The following SPOPL variants were observed in gnomAD, a reference collection of about 807,000 sequenced individuals.
The protein encoded by SPOPL is speckle type BTB/POZ protein like.
A neutral mutation model predicts 53.8 loss-of-function variants in SPOPL; 23 were observed. The observed-to-expected ratio is 0.43, with a 90% CI of 0.31 to 0.61. The LOEUF (loss-of-function observed/expected upper bound fraction) is 0.61, where lower values mean the gene tolerates loss of function less well. Among genes scored for constraint, SPOPL ranks in the 20% least tolerant of loss-of-function variants. SPOPL has a pLI of 0.12. For synonymous variants in SPOPL, 164 were observed against 149.7 expected (o/e 1.10, Z -0.70); for missense variants, 442 against 466.9 (o/e 0.95, Z 0.49).
chr2:138,566,014 G>T (rs940743904), intron 10 of SPOPL, among the ~76,000 whole-genome samples: 2 of 152,176 alleles, frequency 1.3e-5, no homozygotes, highest in African/African-American at 4.8e-5. Context: ...GATTACAGAA[G>T]TGAGCCACCG....
In SPOPL at chr2:138,570,732, T is replaced by C. The variant is rs1213322459; in HGVS notation, c.*1652T>C. 6.6e-6 allele frequency: 1 copy of C among 152,180 alleles called. No homozygotes were observed. Among genetic ancestry groups the C allele is most frequent in the African/African-American group, 2.4e-5 (1 of 41,454 alleles). The allele number at this position is 152,180 out of a possible 1,614,324, so 9.4% of individuals were successfully genotyped here. A position where few individuals can be genotyped will look rare whatever the true frequency, so the allele number is the denominator to read the frequency against. On this transcript the variant is annotated 3_prime_UTR_variant, in exon 11 of 11. Transcript: ENST00000280098. Reference sequence around the variant, plus strand: ...AAGAAAAAATGAAGCTTGAGGTGTTTTCAAATAGACCTTATTTTTGCTATC... The same window carrying C: ...AAGAAAAAATGAAGCTTGAGGTGTTCTCAAATAGACCTTATTTTTGCTATC...
intron 1 of SPOPL, among the ~76,000 whole-genome samples, chr2:138,532,635 G>C (rs1456333824): frequency 2.7e-5 from 4 of 147,560 alleles, no homozygotes; most frequent in Admixed American, 1.3e-4. Context: ...GTAGAGACGG[G>C]GTTTCACCGT....
At chr2:138,510,014 A>T (rs1684294793) in intron 1 of SPOPL, among the ~76,000 whole-genome samples, 1 of 152,140 alleles carries the variant, frequency 6.6e-6, no homozygotes, top group African/African-American at 2.4e-5. Flanking sequence ...ACTTAGTATT[A>T]TGCATTTTAA....
At chr2:138,529,908 C>T (rs1275573349) in intron 1 of SPOPL, among the ~76,000 whole-genome samples, 3 of 152,038 alleles carry the variant, frequency 2.0e-5, no homozygotes, top group Non-Finnish European at 2.9e-5. Context: ...CAGATTATTT[C>T]GTTACCCAGG....
rs769604011 is a variant in SPOPL, at chr2:138,564,892, A to AT, written c.981-42dup. 1.9e-6 allele frequency: 3 copies of AT among 1,613,548 alleles called. No homozygotes were observed. In the African/African-American group the frequency reaches 4.0e-5, roughly 22 times the overall value. On this transcript the variant is annotated intron_variant, in intron 9 of 10. Coordinates refer to ENST00000280098, the MANE Select transcript of SPOPL (RefSeq NM_001001664.3). ...TTTCAGTGGGCATGACAACTTCAAT[A>AT]TTTTTTCTCTGGACTTTTTTTTAAG...
intron 1 of SPOPL, among the ~76,000 whole-genome samples, chr2:138,540,651 A>G (rs990039591): frequency 7.9e-5 from 12 of 152,292 alleles, no homozygotes; most frequent in Non-Finnish European, 1.2e-4. Context: ...GGCTGAGACA[A>G]TGGGGTTTTC....
At chr2:138,517,609 G>A (rs1232347977) in intron 1 of SPOPL, among the ~76,000 whole-genome samples, 1 of 151,846 alleles carries the variant, frequency 6.6e-6, no homozygotes, top group African/African-American at 2.4e-5. Context: ...GCGTGGTGGC[G>A]GGTGCCTGTA....
intron 1 of SPOPL, among the ~76,000 whole-genome samples, chr2:138,544,510 C>G (rs1317109763): frequency 6.6e-6 from 1 of 152,214 alleles, no homozygotes; most frequent in East Asian, 1.9e-4. Context: ...GCGAGGCTCC[C>G]TGGGCGTTAA....
intron 1 of SPOPL, among the ~76,000 whole-genome samples, chr2:138,544,725 C>T (rs1254952621): frequency 5.3e-5 from 8 of 152,166 alleles, no homozygotes; most frequent in Admixed American, 3.3e-4. Flanking sequence ...ATGCTCGGTG[C>T]GCTGCACCCA....
intron 1 of SPOPL, among the ~76,000 whole-genome samples, chr2:138,535,944 G>A (rs1684922267): frequency 6.6e-6 from 1 of 151,714 alleles, no homozygotes; most frequent in Non-Finnish European, 1.5e-5. Flanking sequence ...TCAGTTATAT[G>A]GTTCAGCTCC....
At chr2:138,520,458 G>A (rs1360493987) in intron 1 of SPOPL, among the ~76,000 whole-genome samples, 2 of 152,098 alleles carry the variant, frequency 1.3e-5, no homozygotes, top group Admixed American at 6.5e-5. Flanking sequence ...ACAACATTTG[G>A]TTTCAGCTAT....
chr2:138,547,816 C>T (rs1558875085), intron 1 of SPOPL, among the ~76,000 whole-genome samples: 1 of 152,034 alleles, frequency 6.6e-6, no homozygotes, highest in African/African-American at 2.4e-5. Flanking sequence ...TGCACCAGTA[C>T]CTCTATATAC....
chr2:138,536,128 T>C (rs1487116717), intron 1 of SPOPL, among the ~76,000 whole-genome samples: 1 of 152,188 alleles, frequency 6.6e-6, no homozygotes, highest in Non-Finnish European at 1.5e-5. Context: ...ATCCAACATG[T>C]AAGTTTAATC....
intron 1 of SPOPL, among the ~76,000 whole-genome samples, chr2:138,543,230 G>A (rs1265982338): frequency 2.0e-5 from 3 of 151,810 alleles, no homozygotes; most frequent in Non-Finnish European, 4.4e-5. Flanking sequence ...TGCTCTTCTC[G>A]AGGAGTATCT....
At chr2:138,504,860 T>C (rs1684180250) in intron 1 of SPOPL, among the ~76,000 whole-genome samples, 1 of 152,248 alleles carries the variant, frequency 6.6e-6, no homozygotes, top group Non-Finnish European at 1.5e-5. Context: ...TGTAATTTTA[T>C]TCTGATGTGG....
intron 1 of SPOPL, among the ~76,000 whole-genome samples, chr2:138,539,439 A>G (rs1253455211): frequency 1.3e-5 from 2 of 151,918 alleles, no homozygotes; most frequent in Non-Finnish European, 2.9e-5. Context: ...AATGATCGCC[A>G]TTCTAACTGG....
rs562800142 is a variant in SPOPL, at chr2:138,534,657, TC to T, written c.-60-15498del. The stretch of plus-strand genomic sequence containing the variant: ...TTTTTACTTTTTTAAAAAGTACAGT[TC>T]CGTAATGGCTTAGTACATTGACAGT... On this transcript the variant is annotated intron_variant, in intron 1 of 10. Coordinates refer to ENST00000280098, the MANE Select transcript of SPOPL (RefSeq NM_001001664.3). Among the ~76,000 whole-genome samples, 3 of 152,192 alleles carry T rather than the reference TC, an allele frequency of 2.0e-5. 1 individual carries two copies. Among genetic ancestry groups the T allele is most frequent in the South Asian group, 4.1e-4 (2 of 4,830 alleles).
rs1158476865 is a variant in SPOPL at position 138,569,016 on chromosome 2, G to A, written c.1115G>A (p.Arg372Gln). ...SHPHLVAEAF[R>Q]ALASAQCPQF... ...CCTCATTTAGTAGCAGAAGCCTTTC[G>A]AGCACTAGCATCTGCACAGTGTCCA... Residue 372 changes from arginine (R) to glutamine (Q), a missense_variant, in exon 11 of 11, where the codon CGA (arginine) becomes CAA (glutamine). Transcript: ENST00000280098. 3.7e-6 allele frequency: 6 copies of A among 1,614,006 alleles called. No homozygotes were observed. Among genetic ancestry groups the A allele is most frequent in the Non-Finnish European group, 4.2e-6 (5 of 1,179,930 alleles).
intron 4 of SPOPL, among the ~76,000 whole-genome samples, chr2:138,551,444 C>T (rs543461134): frequency 2.0e-5 from 3 of 151,914 alleles, no homozygotes; most frequent in Non-Finnish European, 4.4e-5. Context: ...AGATAGAGTG[C>T]CCTGATACTT....
Sources: allele counts gnomAD v4.1 joint callset (sites outside exome capture counted in the v4.1 genomes callset), GRCh38; gene constraint gnomAD v4.1.1; transcripts MANE v1.5; gene names NCBI Gene and HGNC (gene_info 2026-07-23, HGNC 2026-07-21).